Variants in MCUB observed in about 807,000 individuals in gnomAD.
MCUB encodes the protein calcium uniporter regulatory subunit MCUb, mitochondrial.
A neutral mutation model predicts 41.4 loss-of-function variants in MCUB; 46 were observed. The ratio of observed to expected loss-of-function variants is 1.11; its 90% CI spans 0.88 to 1.42. MCUB has a LOEUF of 1.42. Among genes scored for constraint, MCUB ranks in the 40% most tolerant of loss-of-function variants. The pLI is 0.00. For missense variants in MCUB, 403 were observed against 404.9 expected (o/e 1.00, Z 0.04); for synonymous variants, 148 against 148.2 (o/e 1.00, Z 0.01).
intron 1 of MCUB, among the ~76,000 whole-genome samples, chr4:109,604,018 G>C (rs1579061216): frequency 6.6e-6 from 1 of 151,600 alleles, no homozygotes; most frequent in Admixed American, 6.6e-5. Flanking sequence ...AGACATAGGA[G>C]ACTCCATTTT....
chr4:109,640,371 C>T (rs1412604812), intron 1 of MCUB, among the ~76,000 whole-genome samples: 1 of 152,200 alleles, frequency 6.6e-6, no homozygotes, highest in Non-Finnish European at 1.5e-5. Flanking sequence ...AGAGGCCTGA[C>T]ACCAGGCATT....
chr4:109,687,732 C>G lies in MCUB; in HGVS notation c.*140C>G. 1.6e-6 allele frequency: 1 copy of G among 618,366 alleles called. No individual in the cohort carries two copies. Among genetic ancestry groups the G allele is most frequent in the Non-Finnish European group, 2.8e-6 (1 of 356,154 alleles). The allele number at this position is 618,366 out of a possible 1,614,324, so 38.3% of individuals were successfully genotyped here. A position where few individuals can be genotyped will look rare whatever the true frequency, so the allele number is the denominator to read the frequency against. ...TAAAACAGAAGTATTGTTTGAAGTTCTCAACTGAGATTTTTACTTTTTGGA... is the reference window on the plus strand; with the variant it reads ...TAAAACAGAAGTATTGTTTGAAGTTGTCAACTGAGATTTTTACTTTTTGGA... On this transcript the variant is annotated 3_prime_UTR_variant, in exon 8 of 8. Transcript: ENST00000394650.
intron 1 of MCUB, among the ~76,000 whole-genome samples, chr4:109,643,083 G>A (rs949019509): frequency 2.0e-5 from 3 of 150,702 alleles, no homozygotes; most frequent in African/African-American, 7.3e-5. Context: ...GTGAGCCACC[G>A]CACCCGGCCA....
chr4:109,654,897 C>T (rs6856535), intron 1 of MCUB, among the ~76,000 whole-genome samples: 108,008 of 151,966 alleles, frequency 0.71, 39,163 homozygotes, highest in African/African-American at 0.86. Flanking sequence ...CATCTGGGTG[C>T]CCTACAATTT....
chr4:109,672,836 C>T (rs774834017), intron 4 of MCUB, among the ~76,000 whole-genome samples: 39 of 152,172 alleles, frequency 2.6e-4, no homozygotes, highest in Non-Finnish European at 8.8e-5. Flanking sequence ...CTCCCTCTCC[C>T]CCTTTTTTTG....
chr4:109,656,550 A>G (rs1400404852), intron 1 of MCUB, among the ~76,000 whole-genome samples: 1 of 151,094 alleles, frequency 6.6e-6, no homozygotes, highest in African/African-American at 2.4e-5. Flanking sequence ...CTTTTTCTGT[A>G]ATTTTTGTAG....
intron 1 of MCUB, among the ~76,000 whole-genome samples, chr4:109,645,562 C>G (rs1274780685): frequency 4.6e-5 from 7 of 152,034 alleles, no homozygotes; most frequent in Admixed American, 4.6e-4. Flanking sequence ...TCTTCTCCAG[C>G]CTCACCTTAT....
At chr4:109,612,097 A>G (rs1423787782) in intron 1 of MCUB, among the ~76,000 whole-genome samples, 1 of 152,160 alleles carries the variant, frequency 6.6e-6, no homozygotes, top group East Asian at 1.9e-4. Flanking sequence ...ATAAAGAGAC[A>G]TTTATTTCTC....
At chr4:109,624,268 A>G (rs1728315330) in intron 1 of MCUB, among the ~76,000 whole-genome samples, 1 of 152,212 alleles carries the variant, frequency 6.6e-6, no homozygotes, top group Non-Finnish European at 1.5e-5. Context: ...CACTCAACTC[A>G]TGGACCAAGG....
chr4:109,589,802 G>A (rs948262516), intron 1 of MCUB, among the ~76,000 whole-genome samples: 1 of 152,198 alleles, frequency 6.6e-6, no homozygotes, highest in Non-Finnish European at 1.5e-5. Context: ...GGCACAGAGT[G>A]GGTGCTCCGT....
intron 1 of MCUB, among the ~76,000 whole-genome samples, chr4:109,611,940 T>C (rs1728016648): frequency 1.3e-5 from 2 of 152,246 alleles, no homozygotes; most frequent in African/African-American, 4.8e-5. Flanking sequence ...TTTCTCTTGA[T>C]CTCCTCGACT....
At chr4:109,657,144 AG>A (rs1453408515) in intron 1 of MCUB, among the ~76,000 whole-genome samples, 2 of 150,804 alleles carry the variant, frequency 1.3e-5, no homozygotes, top group Non-Finnish European at 2.9e-5. Flanking sequence ...ACTTGAACCC[AG>A]GAGGTGGAGG....
intron 1 of MCUB, among the ~76,000 whole-genome samples, chr4:109,595,563 A>G (rs1266294822): frequency 6.6e-6 from 1 of 152,310 alleles, no homozygotes; most frequent in African/African-American, 2.4e-5. Context: ...TTAAATTTAA[A>G]TTAAATAAAA....
chr4:109,631,862 C>T lies in MCUB; in HGVS notation c.100-27149C>T, dbSNP rs549319710. Among the ~76,000 whole-genome samples the T allele has an allele frequency of 4.6e-5, 7 of 152,318 alleles. No individual in the cohort carries two copies. In the South Asian group the frequency reaches 1.4e-3, roughly 32 times the overall value. ...AGACCTTTCTCTCCCCACCTGCAGG[C>T]TGTTTCTCAGGCAGCTCCAGCCCAG... On this transcript the variant is annotated intron_variant, in intron 1 of 7. Transcript: ENST00000394650.
In MCUB at chr4:109,581,925, T is replaced by C. The variant is rs964655686; in HGVS notation, c.99+21489T>C. On this transcript the variant is annotated intron_variant, in intron 1 of 7. Transcript: ENST00000394650. The stretch of plus-strand genomic sequence containing the variant: ...GAGAAATAGGAACACTTTTACACTG[T>C]TGGTGGGACTGTAAACTAGTTCAAC... Among the ~76,000 whole-genome samples the C allele has an allele frequency of 6.1e-4, 93 of 152,310 alleles. 1 individual carries two copies. Among genetic ancestry groups the C allele is most frequent in the African/African-American group, 2.0e-3 (84 of 41,570 alleles).
intron 1 of MCUB, among the ~76,000 whole-genome samples, chr4:109,587,728 CTG>C (rs1192890501): frequency 2.6e-5 from 4 of 152,282 alleles, no homozygotes; most frequent in African/African-American, 7.2e-5. Flanking sequence ...ATTTATAAAA[CTG>C]TTTTAAGTGT....
intron 1 of MCUB, among the ~76,000 whole-genome samples, chr4:109,654,637 ATC>A (rs1275481102): frequency 6.6e-6 from 1 of 152,070 alleles, no homozygotes; most frequent in Admixed American, 6.5e-5. Flanking sequence ...AAAATCATAG[ATC>A]AAGTTCTGAA....
At chr4:109,564,464 C>A (rs1405148487) in intron 1 of MCUB, among the ~76,000 whole-genome samples, 2 of 152,158 alleles carry the variant, frequency 1.3e-5, no homozygotes, top group African/African-American at 4.8e-5. Flanking sequence ...AGTCTAGCCC[C>A]ATATCTTGCC....
intron 4 of MCUB, among the ~76,000 whole-genome samples, chr4:109,666,980 T>G (rs1729359563): frequency 6.6e-6 from 1 of 152,172 alleles, no homozygotes; most frequent in African/African-American, 2.4e-5. Flanking sequence ...ATTGTTGTAT[T>G]TTATTTGCTA....
Sources: gnomAD v4.1 joint callset for allele counts (sites outside exome capture counted in the v4.1 genomes callset) on GRCh38, gnomAD v4.1.1 for gene constraint, MANE v1.5 for transcripts, NCBI Gene and HGNC (gene_info 2026-07-23, HGNC 2026-07-21) for gene names.